Variants in NRG4 observed in about 807,000 individuals in gnomAD.
NRG4 encodes the protein pro-neuregulin-4, membrane-bound isoform.
Under a neutral mutation model 15.0 loss-of-function variants are expected in NRG4, and 10 were observed. The observed-to-expected ratio is 0.67, with a 90% CI of 0.41 to 1.13. The LOEUF (loss-of-function observed/expected upper bound fraction) is 1.13, where lower values mean the gene tolerates loss of function less well. NRG4 is among the 50% of genes most tolerant of loss of function. NRG4 has a pLI of 0.00. For missense variants in NRG4, 139 were observed against 140.2 expected (o/e 0.99, Z 0.04); for synonymous variants, 41 against 50.1 (o/e 0.82, Z 0.77).
At chr15:75,952,045 A>AT (rs951761506) in intron 5 of NRG4, among the ~76,000 whole-genome samples, 2 of 151,996 alleles carry the variant, frequency 1.3e-5, no homozygotes, top group Non-Finnish European at 2.9e-5. Context: ...TTTTGCCTTC[A>AT]TTTTTTTCTA....
intron 3 of NRG4, among the ~76,000 whole-genome samples, chr15:76,006,154 A>G (rs2034599550): frequency 6.6e-6 from 1 of 152,200 alleles, no homozygotes; most frequent in African/African-American, 2.4e-5. Flanking sequence ...TAAGAACAGA[A>G]AGGACTAGAG....
rs2030941973 is a variant in NRG4 at position 75,941,410 on chromosome 15, A to G, written c.*2228T>C. On this transcript the variant is annotated 3_prime_UTR_variant, in exon 6 of 6. Transcript: ENST00000394907. ...TATAGAATTGTCATTTGATTCAGCA[A>G]TTGCATTTCTGGGTATATACACAAA... 6.6e-6 allele frequency: 1 copy of G among 152,194 alleles called. No homozygotes were observed. Among genetic ancestry groups the G allele is most frequent in the Admixed American group, 6.5e-5 (1 of 15,282 alleles). The allele number at this position is 152,194 out of a possible 1,614,324, so 9.4% of individuals were successfully genotyped here.
downstream of NRG4, chr15:75,938,671 G>T (rs2030622282): frequency 6.6e-6 from 1 of 152,220 alleles, no homozygotes; most frequent in Admixed American, 6.5e-5. Context: ...GCAGGTAGAA[G>T]AAAGAATCAG....
chr15:76,047,052 A>AT (rs2035884309), intron 4 of NRG4, among the ~76,000 whole-genome samples: 1 of 151,004 alleles, frequency 6.6e-6, no homozygotes, highest in Admixed American at 6.6e-5. Context: ...CAACATGTGT[A>AT]TTAAAAAAAA....
At chr15:75,979,905 T>C (rs937619052) in intron 3 of NRG4, among the ~76,000 whole-genome samples, 4 of 152,216 alleles carry the variant, frequency 2.6e-5, no homozygotes, top group Admixed American at 2.6e-4. Context: ...AAATGGTAAC[T>C]GAACCTTCTT....
chr15:75,985,755 A>C (rs1225345219), intron 3 of NRG4, among the ~76,000 whole-genome samples: 1 of 152,186 alleles, frequency 6.6e-6, no homozygotes, highest in Non-Finnish European at 1.5e-5. Context: ...TCAAATTATA[A>C]GTCAACATCC....
intron 4 of NRG4, chr15:75,959,193 G>T: frequency 3.2e-6 from 1 of 312,484 alleles, no homozygotes; most frequent in South Asian, 2.6e-5. Context: ...TTGCTATGTT[G>T]TCCAGGCTGG....
At chr15:76,022,024 G>A (rs2035170254) in intron 5 of NRG4, among the ~76,000 whole-genome samples, 1 of 152,170 alleles carries the variant, frequency 6.6e-6, no homozygotes, top group African/African-American at 2.4e-5. Flanking sequence ...TAGGGTCCAT[G>A]CTCTATGAGA....
rs186658472 is a variant in NRG4 at position 76,053,811 on chromosome 15, G to A, written c.-261-828C>T. ...CCTCAAGTGATCTGGGATTACAGGCGTGAGCCACTGCACCCGGCCTGTACT... is the reference window on the plus strand; with the variant it reads ...CCTCAAGTGATCTGGGATTACAGGCATGAGCCACTGCACCCGGCCTGTACT... On this transcript the variant is annotated intron_variant, in intron 2 of 8. Coordinates refer to the NRG4 transcript ENST00000563910. Among the ~76,000 whole-genome samples the A allele has an allele frequency of 6.5e-4, 98 of 150,998 alleles. 8 individuals carry two copies. Among genetic ancestry groups the A allele is most frequent in the African/African-American group, 2.2e-3 (91 of 40,578 alleles).
At position 76,032,144 on chromosome 15, in the gene NRG4, T is replaced by C. The variant is rs562912406; in HGVS notation, c.-57+3800A>G. ...TAAGGTTTGTTTCAAACCACTTCAA[T>C]AGAGTGTTCAAATATCAGTAGAAAT... On this transcript the variant is annotated intron_variant, in intron 5 of 8. Coordinates refer to the NRG4 transcript ENST00000563910. Among the ~76,000 whole-genome samples, 194 of 152,296 alleles carry C rather than the reference T, an allele frequency of 1.3e-3. 1 individual carries two copies. The highest frequency in any genetic ancestry group is 4.1e-3 in the African/African-American group (172 of 41,576).
At chr15:75,954,993 C>A (rs2032148512) in intron 5 of NRG4, among the ~76,000 whole-genome samples, 1 of 152,050 alleles carries the variant, frequency 6.6e-6, no homozygotes, top group Non-Finnish European at 1.5e-5. Context: ...ATGTACTCTA[C>A]CCCGTGCCCC....
At chr15:75,958,886 T>C (rs1038927275) in intron 4 of NRG4, 2 of 165,770 alleles carry the variant, frequency 1.2e-5, no homozygotes, top group Admixed American at 1.3e-4. Context: ...ACCTGTGGGG[T>C]ACAATATACT....
rs2031172596 is a variant in NRG4 at position 75,943,184 on chromosome 15, G to A, written c.*454C>T. 6.4e-6 allele frequency: 1 copy of A among 155,190 alleles called. No individual in the cohort carries two copies. Among genetic ancestry groups the A allele is most frequent in the South Asian group, 2.1e-4 (1 of 4,870 alleles). The allele number at this position is 155,190 out of a possible 1,614,324, so 9.6% of individuals were successfully genotyped here. A position where few individuals can be genotyped will look rare whatever the true frequency, so the allele number is the denominator to read the frequency against. ...CTTTTTTCTAATTGCCAGGTGAAAT[G>A]TCTTCTCAGTTTTTTCATCAGTACT... On this transcript the variant is annotated 3_prime_UTR_variant, in exon 6 of 6. Transcript: ENST00000394907.
intron 3 of NRG4, among the ~76,000 whole-genome samples, chr15:75,990,406 C>T (rs1251428381): frequency 2.0e-5 from 3 of 152,080 alleles, no homozygotes; most frequent in Non-Finnish European, 2.9e-5. Context: ...GAAGGGAGCC[C>T]GGAAGATTAG....
intron 3 of NRG4, among the ~76,000 whole-genome samples, chr15:75,983,231 A>G (rs2033668467): frequency 1.3e-5 from 2 of 152,206 alleles, no homozygotes; most frequent in Admixed American, 6.5e-5. Flanking sequence ...CATATTTACA[A>G]TGCATAAAAA....
chr15:75,995,712 G>C (rs1439187745), intron 3 of NRG4, among the ~76,000 whole-genome samples: 2 of 152,220 alleles, frequency 1.3e-5, no homozygotes, highest in East Asian at 3.8e-4. Context: ...ATGGATCAGA[G>C]TAGAATAAAG....
intron 4 of NRG4, among the ~76,000 whole-genome samples, chr15:75,960,627 C>G (rs1227628467): frequency 6.6e-6 from 1 of 152,070 alleles, no homozygotes; most frequent in Non-Finnish European, 1.5e-5. Context: ...TACAACATGG[C>G]GGCTGATTCT....
Position 75,955,790 on chromosome 15 carries a change from G to GC in NRG4, c.331+141dup. ...ATTTTTATGTGAAAAAGGGTACCTG[G>GC]CCAAAAAAAAAAAAAAAAACCCATA... On this transcript the variant is annotated intron_variant, in intron 5 of 5. Coordinates refer to ENST00000394907, the MANE Select transcript of NRG4 (RefSeq NM_138573.4). The GC allele has an allele frequency of 1.8e-5, 8 of 449,236 alleles. No homozygotes were observed. The South Asian group carries it at 2.0e-4, about 11-fold the overall frequency. The allele number at this position is 449,236 out of a possible 1,614,324, so 27.8% of individuals were successfully genotyped here.
chr15:75,989,556 A>C (rs1347038297), intron 3 of NRG4, among the ~76,000 whole-genome samples: 1 of 152,132 alleles, frequency 6.6e-6, no homozygotes, highest in Non-Finnish European at 1.5e-5. Context: ...TATGGCATTA[A>C]TTCATTAATA....
Sources: allele counts gnomAD v4.1 joint callset (sites outside exome capture counted in the v4.1 genomes callset), GRCh38; gene constraint gnomAD v4.1.1; transcripts MANE v1.5; gene names NCBI Gene and HGNC (gene_info 2026-07-23, HGNC 2026-07-21).